ZMAT4: variants seen among roughly 807,000 people sequenced by gnomAD.
ZMAT4 encodes zinc finger matrin-type protein 4.
Under a neutral mutation model 28.7 loss-of-function variants are expected in ZMAT4, and 17 were observed. The observed-to-expected ratio is 0.59, with a 90% confidence interval of 0.41 to 0.89. ZMAT4 has a LOEUF of 0.89. Ranked by LOEUF, ZMAT4 falls within the 40% of genes least tolerant of loss-of-function variation. The pLI, the probability that ZMAT4 is intolerant of heterozygous loss-of-function variation, is 0.00. For synonymous variants in ZMAT4, 117 were observed against 109.2 expected (o/e 1.07, Z -0.44); for missense variants, 240 against 283.8 (o/e 0.85, Z 1.11).
At chr8:40,778,006 C>G (rs1310500214) in intron 2 of ZMAT4, among the ~76,000 whole-genome samples, 1 of 152,222 alleles carries the variant, frequency 6.6e-6, no homozygotes, top group African/African-American at 2.4e-5. Flanking sequence ...TTTAAATATT[C>G]TGCACAGGGC....
chr8:40,868,871 C>A (rs1817760691), intron 1 of ZMAT4, among the ~76,000 whole-genome samples: 1 of 152,228 alleles, frequency 6.6e-6, no homozygotes, highest in Non-Finnish European at 1.5e-5. Flanking sequence ...ACACCCCCGC[C>A]AGAAGATTCA....
intron 2 of ZMAT4, among the ~76,000 whole-genome samples, chr8:40,819,429 T>A (rs540997675): frequency 1.3e-5 from 2 of 152,228 alleles, no homozygotes; most frequent in African/African-American, 4.8e-5. Flanking sequence ...TAGGCCTTCA[T>A]CAAAATTGTC....
chr8:40,800,935 G>T (rs1314318069), intron 2 of ZMAT4, among the ~76,000 whole-genome samples: 1 of 151,904 alleles, frequency 6.6e-6, no homozygotes, highest in Non-Finnish European at 1.5e-5. Context: ...ACAACCAAAT[G>T]CTCATTCTTC....
At chr8:40,683,000 T>C (rs1004725745) in intron 4 of ZMAT4, among the ~76,000 whole-genome samples, 1 of 152,166 alleles carries the variant, frequency 6.6e-6, no homozygotes, top group Non-Finnish European at 1.5e-5. Context: ...TTGCACATTC[T>C]TTGCCTTGAA....
intron 5 of ZMAT4, among the ~76,000 whole-genome samples, chr8:40,667,036 C>A (rs772810355): frequency 6.6e-6 from 1 of 151,874 alleles, no homozygotes; most frequent in African/African-American, 2.4e-5. Context: ...GCACGCATGG[C>A]GCCATTTGTA....
intron 5 of ZMAT4, among the ~76,000 whole-genome samples, chr8:40,584,914 G>A (rs757681627): frequency 2.0e-5 from 3 of 152,158 alleles, no homozygotes; most frequent in African/African-American, 4.8e-5. Flanking sequence ...GATTACAGGC[G>A]TGAGCCACTG....
intron 2 of ZMAT4, among the ~76,000 whole-genome samples, chr8:40,778,109 C>G (rs1417520159): frequency 6.6e-6 from 1 of 151,978 alleles, no homozygotes. Context: ...TTAAACAGAG[C>G]AATAATAGAA....
At chr8:40,542,614 C>A (rs190067621) in intron 6 of ZMAT4, among the ~76,000 whole-genome samples, 176 of 152,234 alleles carry the variant, frequency 1.2e-3, no homozygotes, top group South Asian at 4.1e-4. Flanking sequence ...GTCTCCAACT[C>A]CTGGCCTCAA....
intron 5 of ZMAT4, among the ~76,000 whole-genome samples, chr8:40,630,787 G>A (rs1255018641): frequency 6.6e-6 from 1 of 152,094 alleles, no homozygotes; most frequent in Admixed American, 6.5e-5. Flanking sequence ...GTATTGCGTA[G>A]CCATTATAGG....
intron 6 of ZMAT4, among the ~76,000 whole-genome samples, chr8:40,534,602 T>C (rs958687415): frequency 6.6e-6 from 1 of 151,718 alleles, no homozygotes; most frequent in Admixed American, 6.6e-5. Flanking sequence ...AGATAGCTCA[T>C]CTTCTTTTTG....
At chr8:40,790,156 A>G (rs1384733661) in intron 2 of ZMAT4, among the ~76,000 whole-genome samples, 1 of 152,210 alleles carries the variant, frequency 6.6e-6, no homozygotes, top group African/African-American at 2.4e-5. Flanking sequence ...CTCTGAATAA[A>G]TACGCTTTGT....
At chr8:40,618,958 C>T (rs1806109911) in intron 5 of ZMAT4, among the ~76,000 whole-genome samples, 1 of 152,178 alleles carries the variant, frequency 6.6e-6, no homozygotes, top group African/African-American at 2.4e-5. Flanking sequence ...GAAGGGTTTG[C>T]AGTCCATGAA....
chr8:40,876,527 A>T (rs572090636), intron 1 of ZMAT4, among the ~76,000 whole-genome samples: 121 of 151,894 alleles, frequency 8.0e-4, no homozygotes, highest in Non-Finnish European at 1.4e-3. Flanking sequence ...TGTTGCTCAG[A>T]CTGGTCTCGA....
At chr8:40,685,359 A>C (rs1312475380) in intron 4 of ZMAT4, among the ~76,000 whole-genome samples, 1 of 152,196 alleles carries the variant, frequency 6.6e-6, no homozygotes, top group Non-Finnish European at 1.5e-5. Context: ...TGATGAACAA[A>C]GGAGCACTGC....
rs1020400021 is a variant in ZMAT4, at chr8:40,703,286, C to A, written c.193-5885G>T. Among the ~76,000 whole-genome samples, 4 of 152,184 alleles carry A rather than the reference C, an allele frequency of 2.6e-5. No homozygotes were observed. In the East Asian group the frequency reaches 5.8e-4, roughly 22 times the overall value. Reference sequence around the variant, plus strand: ...AAAATTTTTACATGAGTTTTTATAGCCACATCATTCATAATAGCCCAAAGT... The same window carrying A: ...AAAATTTTTACATGAGTTTTTATAGACACATCATTCATAATAGCCCAAAGT... On this transcript the variant is annotated intron_variant, in intron 3 of 6. Coordinates refer to ENST00000297737, the MANE Select transcript of ZMAT4 (RefSeq NM_024645.3).
chr8:40,762,770 C>T (rs1466445306), intron 3 of ZMAT4, among the ~76,000 whole-genome samples: 1 of 152,198 alleles, frequency 6.6e-6, no homozygotes, highest in Admixed American at 6.5e-5. Flanking sequence ...GGTTCTCAGT[C>T]AGACTTTCCA....
intron 5 of ZMAT4, among the ~76,000 whole-genome samples, chr8:40,617,876 C>T (rs1353103652): frequency 6.6e-6 from 1 of 152,200 alleles, no homozygotes; most frequent in Non-Finnish European, 1.5e-5. Context: ...AAGATACATG[C>T]AATGTTTTGC....
intron 1 of ZMAT4, among the ~76,000 whole-genome samples, chr8:40,869,756 C>G (rs1021580867): frequency 1.3e-5 from 2 of 152,166 alleles, no homozygotes; most frequent in African/African-American, 2.4e-5. Context: ...TTCCTGACGT[C>G]TTATTCTTAG....
At chr8:40,717,375 C>A (rs532700100) in intron 3 of ZMAT4, among the ~76,000 whole-genome samples, 3 of 152,260 alleles carry the variant, frequency 2.0e-5, no homozygotes, top group Non-Finnish European at 4.4e-5. Flanking sequence ...AGCATTCAGG[C>A]AGGGTACAGT....
Sources: allele counts gnomAD v4.1 joint callset (sites outside exome capture counted in the v4.1 genomes callset), GRCh38; gene constraint gnomAD v4.1.1; transcripts MANE v1.5; gene names NCBI Gene and HGNC (gene_info 2026-07-23, HGNC 2026-07-21).